TIMM23B: variants seen among roughly 807,000 people sequenced by gnomAD.
The protein encoded by TIMM23B is mitochondrial import inner membrane translocase subunit Tim23B.
TIMM23B carries 27 observed loss-of-function variants against 27.3 expected under a neutral mutation model. The ratio of observed to expected loss-of-function variants is 0.99; its 90% confidence interval spans 0.73 to 1.36. The LOEUF is 1.36. Ranked by LOEUF, TIMM23B falls within the 40% of genes most tolerant of loss-of-function variation. The pLI is 0.00. For synonymous variants in TIMM23B, 73 were observed against 92.4 expected (o/e 0.79, Z 1.21); for missense variants, 205 against 244.2 (o/e 0.84, Z 1.07).
intron 6 of TIMM23B, among the ~76,000 whole-genome samples, chr10:49,968,386 C>T (rs1170401258): frequency 1.3e-5 from 2 of 152,224 alleles, no homozygotes; most frequent in African/African-American, 4.8e-5. Flanking sequence ...TCTGTGGAGT[C>T]AAAATGCTAC....
At chr10:49,954,343 A>C in intron 4 of TIMM23B, 1 of 449,698 alleles carries the variant, frequency 2.2e-6, no homozygotes, top group South Asian at 1.7e-5. Flanking sequence ...GGTGCAAGGC[A>C]GAACTGTGCT....
At chr10:49,949,599 C>G (rs1839459091) in intron 2 of TIMM23B, among the ~76,000 whole-genome samples, 2 of 151,404 alleles carry the variant, frequency 1.3e-5, no homozygotes, top group South Asian at 4.2e-4. Flanking sequence ...CATATCCCCC[C>G]AAAAACTTGT....
intron 6 of TIMM23B, among the ~76,000 whole-genome samples, chr10:49,961,691 C>G (rs1373070294): frequency 1.3e-5 from 2 of 151,934 alleles, no homozygotes; most frequent in African/African-American, 4.8e-5. Context: ...CCTTGAACTC[C>G]TGGGCTCAAA....
intron 6 of TIMM23B, among the ~76,000 whole-genome samples, chr10:49,959,150 T>G (rs1358949958): frequency 7.2e-5 from 11 of 152,368 alleles, no homozygotes; most frequent in African/African-American, 2.4e-4. Flanking sequence ...TCATATGGTT[T>G]ATGGTGGTTT....
At chr10:49,970,071 G>T (rs1260685005) in intron 6 of TIMM23B, 2 of 160,444 alleles carry the variant, frequency 1.2e-5, no homozygotes, top group Non-Finnish European at 2.7e-5. Flanking sequence ...CGGGATTGCA[G>T]ATGGAGTCTC....
intron 4 of TIMM23B, among the ~76,000 whole-genome samples, chr10:49,953,887 C>T (rs1839621564): frequency 6.6e-6 from 1 of 152,174 alleles, no homozygotes; most frequent in Non-Finnish European, 1.5e-5. Context: ...CTCTCCTCTC[C>T]CACCTTATTT....
chr10:49,970,285 G>T, intron 6 of TIMM23B: 1 of 151,848 alleles, frequency 6.6e-6, no homozygotes, highest in Non-Finnish European at 1.5e-5. Flanking sequence ...CCTCTGCCCG[G>T]GCTGCCCAGT....
In TIMM23B at chr10:49,942,110, T is replaced by A; in HGVS notation, c.-85T>A. 6.9e-7 allele frequency: 1 copy of A among 1,451,128 alleles called. No individual in the cohort carries two copies. Among genetic ancestry groups the A allele is most frequent in the Non-Finnish European group, 9.2e-7 (1 of 1,082,396 alleles). The allele number at this position is 1,451,128 out of a possible 1,614,324, so 89.9% of individuals were successfully genotyped here. A position where few individuals can be genotyped will look rare whatever the true frequency, so the allele number is the denominator to read the frequency against. ...GAAGTAGGCGCTGGCAACGCGGGGT[T>A]ACCCGCTGTTATTGAGGAGTAACGG... On this transcript the variant is annotated 5_prime_UTR_variant, in exon 1 of 7. It introduces an in-frame stop codon into an upstream open reading frame of the 5' UTR. Transcript: ENST00000651259.
At chr10:49,957,069 A>G (rs1237393211) in intron 5 of TIMM23B, among the ~76,000 whole-genome samples, 76 of 151,014 alleles carry the variant, frequency 5.0e-4, no homozygotes, top group Non-Finnish European at 9.3e-4. Context: ...CTGTCCCACA[A>G]AACTGAGCCC....
intron 6 of TIMM23B, among the ~76,000 whole-genome samples, chr10:49,962,756 T>A (rs1839964518): frequency 6.6e-6 from 1 of 152,184 alleles, no homozygotes; most frequent in African/African-American, 2.4e-5. Flanking sequence ...GTTTTGCACA[T>A]ACATTTTAGT....
rs1840580962 is a variant in TIMM23B, at chr10:49,974,525, C to T, written c.*1461C>T. On this transcript the variant is annotated 3_prime_UTR_variant, in exon 7 of 7. Coordinates refer to ENST00000651259, the MANE Select transcript of TIMM23B (RefSeq NM_001290117.2). ...ACATTACACAAAGCCTCTTTGTCTT[C>T]GTGGTTCTACCCTACTAATAAGTTT... 1.3e-5 allele frequency: 2 copies of T among 151,404 alleles called. No individual in the cohort carries two copies. The highest frequency in any genetic ancestry group is 2.9e-5 in the Non-Finnish European group (2 of 68,000). 9.4% of individuals were successfully genotyped at this position (151,404 alleles called of 1,614,324 possible).
Position 49,956,457 on chromosome 10 carries a change from GTGTGTGTGTGTGTA to G in TIMM23B, c.403+1405_403+1418del, listed in dbSNP as rs371146838. On this transcript the variant is annotated intron_variant, in intron 5 of 6. Transcript: ENST00000651259. ...TGTGTGTGTGTGTGTGTGTGTGTGT[GTGTGTGTGTGTGTA>G]TGTGTGTCTTCAATCCGAAGTACAG... Among the ~76,000 whole-genome samples, 91 of 134,192 alleles carry G rather than the reference GTGTGTGTGTGTGTA, an allele frequency of 6.8e-4. 7 individuals carry two copies. Among genetic ancestry groups the G allele is most frequent in the Non-Finnish European group, 1.4e-3 (80 of 57,260 alleles). 88.0% of individuals were successfully genotyped at this position (134,192 alleles called of 152,430 possible). A position where few individuals can be genotyped will look rare whatever the true frequency, so the allele number is the denominator to read the frequency against.
chr10:49,961,395 AAAAAAG>A (rs1165942947), intron 6 of TIMM23B, among the ~76,000 whole-genome samples: 2 of 151,666 alleles, frequency 1.3e-5, no homozygotes, highest in African/African-American at 4.8e-5. Context: ...AAAAAAAAAA[AAAAAAG>A]AAAAGAAAAA....
At chr10:49,952,406 A>G in intron 3 of TIMM23B, 43 bp from the exon 4 acceptor site, 2 of 1,595,128 alleles carry the variant, frequency 1.3e-6, no homozygotes, top group Non-Finnish European at 1.7e-6. Context: ...TTTTTTTTTA[A>G]TATAAAGCTG....
chr10:49,942,661 T>G (rs1220946185), intron 1 of TIMM23B, among the ~76,000 whole-genome samples: 1 of 152,186 alleles, frequency 6.6e-6, no homozygotes, highest in Non-Finnish European at 1.5e-5. Context: ...AAGCCCGTAG[T>G]TAACTTTTTA....
chr10:49,970,728 G>A (rs1250543982), intron 6 of TIMM23B, among the ~76,000 whole-genome samples: 19 of 144,880 alleles, frequency 1.3e-4, no homozygotes, highest in African/African-American at 3.3e-4. Flanking sequence ...GCCTCTGCCC[G>A]GCTGCCGCCC....
intron 6 of TIMM23B, among the ~76,000 whole-genome samples, chr10:49,963,368 A>G (rs528641723): frequency 2.2e-4 from 33 of 152,268 alleles, no homozygotes; most frequent in Non-Finnish European, 4.4e-4. Context: ...ATGAATTGCC[A>G]GGTGAAATGA....
rs1352090600 is a variant in TIMM23B at position 49,966,482 on chromosome 10, G to A, written c.515-6530G>A. On this transcript the variant is annotated intron_variant, in intron 6 of 6. Transcript: ENST00000651259. ...ATAATGAAATGTCAGGTGCAGTGGC[G>A]TACTCCAGCCTGGGTGATAGAGTGA... Among the ~76,000 whole-genome samples, 10 of 151,542 alleles carry A rather than the reference G, an allele frequency of 6.6e-5. No homozygotes were observed. In the East Asian group the frequency reaches 1.2e-3, roughly 18 times the overall value.
intron 2 of TIMM23B, among the ~76,000 whole-genome samples, chr10:49,947,615 T>G (rs1485525407): frequency 6.6e-6 from 1 of 150,784 alleles, no homozygotes; most frequent in Non-Finnish European, 1.5e-5. Context: ...GTCTCAAAAA[T>G]AAATAAATAA....
Sources: allele counts gnomAD v4.1 joint callset (sites outside exome capture counted in the v4.1 genomes callset), GRCh38; gene constraint gnomAD v4.1.1; transcripts MANE v1.5; gene names NCBI Gene and HGNC (gene_info 2026-07-23, HGNC 2026-07-21).